The following RYR2 variants were observed in gnomAD, a reference collection of about 807,000 sequenced individuals.
RYR2 encodes cardiac muscle ryanodine receptor-calcium release channel.
RYR2 carries 227 observed loss-of-function variants against 601.1 expected under a neutral mutation model. The observed-to-expected ratio is 0.38, with a 90% confidence interval of 0.34 to 0.42. The LOEUF is 0.42. Ranked by LOEUF, RYR2 falls within the 10% of genes least tolerant of loss-of-function variation. The probability of loss-of-function intolerance (pLI) is 1.00; values close to 1 mark genes in which losing one functional copy is unlikely to be tolerated. For missense variants in RYR2, 4,646 were observed against 6,156.5 expected (o/e 0.75, Z 8.21); for synonymous variants, 2,223 against 2,175.1 (o/e 1.02, Z -0.61).
At chr1:237,315,890 A>C (rs764128195) in intron 2 of RYR2, among the ~76,000 whole-genome samples, 46 of 152,216 alleles carry the variant, frequency 3.0e-4, no homozygotes, top group Non-Finnish European at 6.2e-4. Flanking sequence ...TTAAGATACC[A>C]GATAGGGAGT....
intron 62 of RYR2, among the ~76,000 whole-genome samples, chr1:237,682,345 A>G (rs1685960190): frequency 6.6e-6 from 1 of 152,158 alleles, no homozygotes; most frequent in African/African-American, 2.4e-5. Flanking sequence ...TTGGGGCTCT[A>G]GACTAACCCT....
chr1:237,128,074 C>T (rs1466860988), intron 1 of RYR2, among the ~76,000 whole-genome samples: 1 of 152,226 alleles, frequency 6.6e-6, no homozygotes, highest in Non-Finnish European at 1.5e-5. Context: ...GATCACGCCA[C>T]TGCACTCCAG....
At chr1:237,285,509 GT>G (rs1380125051) in intron 2 of RYR2, among the ~76,000 whole-genome samples, 1 of 152,020 alleles carries the variant, frequency 6.6e-6, no homozygotes, top group African/African-American at 2.4e-5. Context: ...TCCTTTCCTG[GT>G]TTTGGTATTA....
intron 1 of RYR2, among the ~76,000 whole-genome samples, chr1:237,199,748 G>C (rs540199697): frequency 6.6e-6 from 1 of 152,096 alleles, no homozygotes; most frequent in Non-Finnish European, 1.5e-5. Context: ...ACAGCATATG[G>C]TTGCATAAAT....
chr1:237,399,863 G>C (rs1421486205), intron 10 of RYR2, among the ~76,000 whole-genome samples: 1 of 152,156 alleles, frequency 6.6e-6, no homozygotes, highest in Non-Finnish European at 1.5e-5. Flanking sequence ...GATTAGAGCT[G>C]ATGGGAAGGG....
intron 11 of RYR2, among the ~76,000 whole-genome samples, chr1:237,422,274 G>A (rs1705675591): frequency 6.6e-6 from 1 of 152,096 alleles, no homozygotes; most frequent in Non-Finnish European, 1.5e-5. Context: ...ACATACTTAT[G>A]GGGTACATAG....
In RYR2 at chr1:237,532,420, A is replaced by G. The variant is rs138338903; in HGVS notation, c.2906+1910A>G. Reference sequence around the variant, plus strand: ...AAAATCATATTTAATGATTTTTTTCAGGGTGACAGCTCAATTATGCCTTTG... The same window carrying G: ...AAAATCATATTTAATGATTTTTTTCGGGGTGACAGCTCAATTATGCCTTTG... On this transcript the variant is annotated intron_variant, in intron 25 of 104. Transcript: ENST00000366574. Among the ~76,000 whole-genome samples the G allele has an allele frequency of 2.5e-4, 38 of 152,240 alleles. 1 individual carries two copies. Among genetic ancestry groups the G allele is most frequent in the African/African-American group, 8.4e-4 (35 of 41,582 alleles).
chr1:237,476,901 C>G (rs1379892719), intron 17 of RYR2, among the ~76,000 whole-genome samples: 2 of 152,098 alleles, frequency 1.3e-5, no homozygotes, highest in Non-Finnish European at 2.9e-5. Flanking sequence ...TTGACTTTCT[C>G]CAGGGTTAGT....
chr1:237,617,222 G>A, intron 37 of RYR2, 64 bp from the exon 38 acceptor site: 1 of 1,399,654 alleles, frequency 7.1e-7, no homozygotes. Flanking sequence ...CACAGATTAT[G>A]ATTTCATACA....
At chr1:237,576,036 GA>G (rs1459516639) in intron 29 of RYR2, among the ~76,000 whole-genome samples, 1 of 152,142 alleles carries the variant, frequency 6.6e-6, no homozygotes, top group Non-Finnish European at 1.5e-5. Context: ...CTCTCTAACA[GA>G]AGGTATATAA....
intron 21 of RYR2, among the ~76,000 whole-genome samples, chr1:237,502,979 A>G (rs1352154365): frequency 2.0e-5 from 3 of 152,310 alleles, no homozygotes; most frequent in Non-Finnish European, 2.9e-5. Context: ...TATTACGGAC[A>G]TGCACTTCAT....
Position 237,182,183 on chromosome 1 carries a change from G to A in RYR2, c.49-88314G>A, listed in dbSNP as rs113644375. 5.4e-3 allele frequency among the ~76,000 whole-genome samples: 827 copies of A among 151,834 alleles called. 5 individuals carry two copies. The highest frequency in any genetic ancestry group is 0.01 in the Non-Finnish European group (700 of 67,972). On this transcript the variant is annotated intron_variant, in intron 1 of 104. Transcript: ENST00000366574. ...ATTGCCCAGGCTGGAGTACAGTGGCGCGATCTTGGCTCACTGCAGACTCCG... is the reference window on the plus strand; with the variant it reads ...ATTGCCCAGGCTGGAGTACAGTGGCACGATCTTGGCTCACTGCAGACTCCG...
chr1:237,402,845 AAT>A (rs1703486812), intron 10 of RYR2, among the ~76,000 whole-genome samples: 2 of 149,380 alleles, frequency 1.3e-5, no homozygotes, highest in Non-Finnish European at 3.0e-5. Context: ...ACAGCGGTGA[AAT>A]CATGGCTCAC....
chr1:237,535,543 T>C (rs1668531536), intron 25 of RYR2, among the ~76,000 whole-genome samples: 1 of 150,678 alleles, frequency 6.6e-6, no homozygotes, highest in South Asian at 2.1e-4. Flanking sequence ...TTCTATTGAT[T>C]TCTACCAAAT....
intron 1 of RYR2, among the ~76,000 whole-genome samples, chr1:237,171,677 T>A (rs1331256119): frequency 6.6e-6 from 1 of 152,224 alleles, no homozygotes; most frequent in Non-Finnish European, 1.5e-5. Flanking sequence ...GAAGCCATTA[T>A]TCAAAACCTA....
chr1:237,611,067 C>T (rs1363934061), intron 36 of RYR2, 79 bp downstream of exon 36: 20 of 1,234,598 alleles, frequency 1.6e-5, no homozygotes, highest in Non-Finnish European at 2.2e-5. Context: ...GGTAGTGGTG[C>T]GGGGCAGGGG....
intron 27 of RYR2, among the ~76,000 whole-genome samples, chr1:237,557,560 A>G (rs1165619467): frequency 6.7e-6 from 1 of 149,512 alleles, no homozygotes; most frequent in Non-Finnish European, 1.5e-5. Flanking sequence ...GAGTTGAAAC[A>G]GTTTTTTTTT....
intron 1 of RYR2, among the ~76,000 whole-genome samples, chr1:237,262,408 A>G (rs1387439681): frequency 6.6e-6 from 1 of 151,590 alleles, no homozygotes; most frequent in African/African-American, 2.4e-5. Context: ...GGCACACACC[A>G]GCATGCCCAG....
intron 30 of RYR2, 109 bp downstream of exon 30, chr1:237,590,110 AC>A: frequency 1.0e-6 from 1 of 999,512 alleles, no homozygotes; most frequent in Non-Finnish European, 1.5e-6. Context: ...TAAAATGATG[AC>A]CTTGATGTGT....
Sources: allele counts gnomAD v4.1 joint callset (sites outside exome capture counted in the v4.1 genomes callset), GRCh38; gene constraint gnomAD v4.1.1; transcripts MANE v1.5; gene names NCBI Gene and HGNC (gene_info 2026-07-23, HGNC 2026-07-21).